The following CPQ variants were observed in gnomAD, a reference collection of about 807,000 sequenced individuals.
CPQ encodes the protein carboxypeptidase Q, also known as Ser-Met dipeptidase.
A neutral mutation model predicts 45.7 loss-of-function variants in CPQ; 37 were observed. The observed-to-expected ratio is 0.81, with a 90% CI of 0.62 to 1.07. The LOEUF is 1.07. CPQ is among the 50% of genes least tolerant of loss of function. CPQ has a pLI of 0.00. For missense variants in CPQ, 537 were observed against 572.9 expected (o/e 0.94, Z 0.64); for synonymous variants, 186 against 205.8 (o/e 0.90, Z 0.82).
intron 3 of CPQ, among the ~76,000 whole-genome samples, chr8:96,868,914 A>G (rs1812028666): frequency 6.6e-6 from 1 of 151,840 alleles, no homozygotes; most frequent in African/African-American, 2.4e-5. Flanking sequence ...GTTTGCTGCA[A>G]TTTTTTTGAA....
chr8:97,039,629 C>T (rs1391558394), intron 6 of CPQ, among the ~76,000 whole-genome samples: 1 of 151,694 alleles, frequency 6.6e-6, no homozygotes, highest in East Asian at 1.9e-4. Context: ...GCTATCCCTC[C>T]CCACTCCCCC....
chr8:96,756,736 C>A (rs1465336527), intron 1 of CPQ, among the ~76,000 whole-genome samples: 1 of 152,108 alleles, frequency 6.6e-6, no homozygotes, highest in African/African-American at 2.4e-5. Context: ...AAACACATAT[C>A]TTTTTACCAT....
At chr8:96,656,827 G>T (rs1304577708) in intron 1 of CPQ, among the ~76,000 whole-genome samples, 2 of 152,176 alleles carry the variant, frequency 1.3e-5, no homozygotes, top group Non-Finnish European at 2.9e-5. Context: ...ACCACTGGGA[G>T]GAACATAGAG....
chr8:96,698,401 G>T (rs1002340129), intron 1 of CPQ, among the ~76,000 whole-genome samples: 1 of 152,004 alleles, frequency 6.6e-6, no homozygotes, highest in African/African-American at 2.4e-5. Flanking sequence ...ACTACTATAA[G>T]AAAATATTGG....
intron 1 of CPQ, among the ~76,000 whole-genome samples, chr8:96,724,488 T>TAG (rs1809808371): frequency 8.5e-6 from 1 of 118,278 alleles, no homozygotes; most frequent in Admixed American, 8.3e-5. Flanking sequence ...CCATTTAGAG[T>TAG]AGACACACAC....
intron 7 of CPQ, among the ~76,000 whole-genome samples, chr8:97,071,903 T>C (rs1810750719): frequency 6.6e-6 from 1 of 152,182 alleles, no homozygotes. Flanking sequence ...ATGTAGACTT[T>C]TGTCAGGCCT....
intron 6 of CPQ, among the ~76,000 whole-genome samples, chr8:97,030,366 T>C (rs1225659449): frequency 6.6e-6 from 1 of 151,668 alleles, no homozygotes; most frequent in African/African-American, 2.4e-5. Context: ...ATGTTATTTT[T>C]GACCTTTTTT....
At chr8:96,686,415 G>A (rs1463870065) in intron 1 of CPQ, among the ~76,000 whole-genome samples, 1 of 151,870 alleles carries the variant, frequency 6.6e-6, no homozygotes, top group Non-Finnish European at 1.5e-5. Context: ...CAAAAATAAC[G>A]TTGAATTTTA....
chr8:96,930,771 A>G (rs753354117), intron 4 of CPQ, among the ~76,000 whole-genome samples: 4 of 152,198 alleles, frequency 2.6e-5, no homozygotes, highest in Non-Finnish European at 4.4e-5. Context: ...ACTCCAAGAT[A>G]AGGAAAAACT....
chr8:96,657,754 C>T (rs1815654840), intron 1 of CPQ, among the ~76,000 whole-genome samples: 1 of 152,258 alleles, frequency 6.6e-6, no homozygotes, highest in African/African-American at 2.4e-5. Flanking sequence ...CTTACTCTTA[C>T]TGGCCTTGTG....
At chr8:96,814,033 C>CAT (rs949195672) in intron 2 of CPQ, among the ~76,000 whole-genome samples, 18 of 150,818 alleles carry the variant, frequency 1.2e-4, no homozygotes, top group East Asian at 1.9e-4. Flanking sequence ...TATATATGCA[C>CAT]ATATATATAT....
intron 1 of CPQ, among the ~76,000 whole-genome samples, chr8:96,753,235 A>G (rs1289287635): frequency 6.6e-6 from 1 of 152,020 alleles, no homozygotes; most frequent in East Asian, 1.9e-4. Context: ...GCTCTATTTC[A>G]GGCCTGTTTG....
chr8:96,910,682 A>G (rs926464787), intron 4 of CPQ, among the ~76,000 whole-genome samples: 1 of 151,890 alleles, frequency 6.6e-6, no homozygotes, highest in East Asian at 1.9e-4. Context: ...TTTTTTGTAT[A>G]TTTAGTAGAG....
chr8:97,020,170 T>C (rs1809653338), intron 5 of CPQ, among the ~76,000 whole-genome samples: 1 of 152,124 alleles, frequency 6.6e-6, no homozygotes, highest in Admixed American at 6.5e-5. Context: ...AAAAAATTCT[T>C]TGAACTGAGT....
At chr8:96,687,929 G>A (rs1222589578) in intron 1 of CPQ, among the ~76,000 whole-genome samples, 6 of 151,886 alleles carry the variant, frequency 4.0e-5, no homozygotes, top group Non-Finnish European at 1.5e-5. Context: ...TTGGAAAGAA[G>A]GTGTAGTCTC....
intron 7 of CPQ, among the ~76,000 whole-genome samples, chr8:97,098,014 C>G (rs1217940936): frequency 6.6e-6 from 1 of 152,184 alleles, no homozygotes; most frequent in African/African-American, 2.4e-5. Context: ...AGCATTGTCT[C>G]TATCACAGCC....
intron 7 of CPQ, among the ~76,000 whole-genome samples, chr8:97,097,136 C>T (rs1811222511): frequency 6.6e-6 from 1 of 152,218 alleles, no homozygotes; most frequent in Admixed American, 6.5e-5. Context: ...GCTGTATGAA[C>T]TTCTCAGAAG....
chr8:97,092,204 T>C (rs1429935650), intron 7 of CPQ, among the ~76,000 whole-genome samples: 1 of 152,164 alleles, frequency 6.6e-6, no homozygotes, highest in African/African-American at 2.4e-5. Context: ...GTGTGCGGCA[T>C]TTAGTTTTAA....
chr8:96,955,404 A>G (rs1001537489), intron 4 of CPQ, among the ~76,000 whole-genome samples: 2 of 152,138 alleles, frequency 1.3e-5, no homozygotes, highest in East Asian at 1.9e-4. Context: ...TTCCTTTGAG[A>G]AGTGTCTGTT....
Sources: allele counts gnomAD v4.1 joint callset (sites outside exome capture counted in the v4.1 genomes callset), GRCh38; gene constraint gnomAD v4.1.1; transcripts MANE v1.5; gene names NCBI Gene and HGNC (gene_info 2026-07-23, HGNC 2026-07-21).